Variants in EVI5 observed in about 807,000 individuals in gnomAD.
The protein encoded by EVI5 is ecotropic viral integration site 5.
A neutral mutation model predicts 112.0 loss-of-function variants in EVI5; 73 were observed. The ratio of observed to expected loss-of-function variants is 0.65; its 90% CI spans 0.54 to 0.79. The LOEUF is 0.79. Ranked by LOEUF, EVI5 falls within the 30% of genes least tolerant of loss-of-function variation. EVI5 has a pLI of 0.00. For synonymous variants in EVI5, 305 were observed against 319.9 expected (o/e 0.95, Z 0.50); for missense variants, 900 against 968.8 (o/e 0.93, Z 0.94).
At chr1:92,537,911 G>A (rs1015865629) in intron 19 of EVI5, among the ~76,000 whole-genome samples, 3 of 151,968 alleles carry the variant, frequency 2.0e-5, no homozygotes, top group African/African-American at 7.2e-5. Context: ...TGAAAAAATT[G>A]TAGATTTCAT....
At chr1:92,551,507 A>G (rs929250399) in intron 19 of EVI5, among the ~76,000 whole-genome samples, 1 of 152,206 alleles carries the variant, frequency 6.6e-6, no homozygotes, top group Non-Finnish European at 1.5e-5. Flanking sequence ...AGTTCACAAG[A>G]TTTTAAAACT....
chr1:92,778,065 C>T (rs903392764), intron 1 of EVI5, among the ~76,000 whole-genome samples: 4 of 152,200 alleles, frequency 2.6e-5, no homozygotes, highest in East Asian at 1.9e-4. Flanking sequence ...CACGCCACCA[C>T]GCACAGCTAA....
upstream of EVI5, among the ~76,000 whole-genome samples, chr1:92,786,789 G>T (rs1685672165): frequency 6.6e-6 from 1 of 152,280 alleles, no homozygotes; most frequent in South Asian, 2.1e-4. Flanking sequence ...ACCAAGCCCT[G>T]AATGGCCAGG....
intron 1 of EVI5, among the ~76,000 whole-genome samples, chr1:92,758,247 A>G (rs1681252100): frequency 6.6e-6 from 1 of 152,178 alleles, no homozygotes; most frequent in African/African-American, 2.4e-5. Context: ...TTTTAGTATC[A>G]TGTAAGCCTT....
chr1:92,670,611 G>A (rs185128590), intron 10 of EVI5, among the ~76,000 whole-genome samples: 13 of 152,152 alleles, frequency 8.5e-5, no homozygotes, highest in Non-Finnish European at 1.3e-4. Flanking sequence ...AAACCATGAC[G>A]TTTATTTAAA....
At chr1:92,630,626 C>T (rs1416684624) in intron 14 of EVI5, among the ~76,000 whole-genome samples, 1 of 152,028 alleles carries the variant, frequency 6.6e-6, no homozygotes, top group Non-Finnish European at 1.5e-5. Flanking sequence ...GTTGCCTGTT[C>T]ACTCTGATGG....
At chr1:92,554,985 A>AAAAG (rs781663027) in intron 19 of EVI5, among the ~76,000 whole-genome samples, 3 of 152,178 alleles carry the variant, frequency 2.0e-5, no homozygotes, top group South Asian at 2.1e-4. Flanking sequence ...GTCTCCAGAA[A>AAAAG]AAAGAAAGAA....
At chr1:92,684,970 C>T (rs910434188) in intron 9 of EVI5, among the ~76,000 whole-genome samples, 1 of 151,788 alleles carries the variant, frequency 6.6e-6, no homozygotes, top group Non-Finnish European at 1.5e-5. Context: ...ACTTTAACAC[C>T]CCACTGTCAA....
intron 19 of EVI5, among the ~76,000 whole-genome samples, chr1:92,555,029 G>T (rs1403412976): frequency 6.6e-6 from 1 of 152,080 alleles, no homozygotes; most frequent in Non-Finnish European, 1.5e-5. Context: ...AAATATAAGT[G>T]GAGGCTGTAA....
intron 14 of EVI5, among the ~76,000 whole-genome samples, chr1:92,631,377 C>T (rs1361485630): frequency 2.0e-5 from 3 of 152,136 alleles, no homozygotes; most frequent in Non-Finnish European, 4.4e-5. Context: ...TTGTAGTTCT[C>T]CTTGAAGAGG....
chr1:92,694,236 G>T, intron 8 of EVI5, 63 bp downstream of exon 8: 2 of 994,662 alleles, frequency 2.0e-6, no homozygotes, highest in Non-Finnish European at 3.1e-6. Context: ...CTGCACTCCA[G>T]CCTGGGCAAC....
chr1:92,535,636 T>C (rs1179274825), intron 19 of EVI5, among the ~76,000 whole-genome samples: 3 of 152,272 alleles, frequency 2.0e-5, no homozygotes, highest in South Asian at 4.1e-4. Flanking sequence ...GAAACCATCA[T>C]TATCAGCAAA....
At chr1:92,622,097 G>A (rs1318066038) in intron 16 of EVI5, among the ~76,000 whole-genome samples, 1 of 151,042 alleles carries the variant, frequency 6.6e-6, no homozygotes, top group Non-Finnish European at 1.5e-5. Context: ...TCCAGCCTGG[G>A]CGACAAAGCA....
intron 18 of EVI5, among the ~76,000 whole-genome samples, chr1:92,589,754 T>A (rs1216265588): frequency 3.3e-5 from 5 of 152,174 alleles, no homozygotes; most frequent in African/African-American, 9.7e-5. Flanking sequence ...GTCTGACAGC[T>A]TTGAAGAGAG....
chr1:92,767,082 CAAA>C (rs35316799), intron 1 of EVI5, among the ~76,000 whole-genome samples: 3 of 113,230 alleles, frequency 2.6e-5, no homozygotes, highest in South Asian at 2.9e-4. Context: ...GACTCCCTCT[CAAA>C]AAAAAAAAAA....
At chr1:92,560,973 T>C (rs1668436877) in intron 19 of EVI5, among the ~76,000 whole-genome samples, 1 of 152,122 alleles carries the variant, frequency 6.6e-6, no homozygotes, top group Non-Finnish European at 1.5e-5. Context: ...CTAGGTCTCC[T>C]TTGTGAGGAA....
In EVI5 at chr1:92,631,535, CCTGAGA is replaced by C. The variant is rs954269655; in HGVS notation, c.1527+4661_1527+4666del. 1.9e-3 allele frequency among the ~76,000 whole-genome samples: 287 copies of C among 152,210 alleles called. 4 individuals carry two copies. The highest frequency in any genetic ancestry group is 6.4e-3 in the African/African-American group (264 of 41,544). On this transcript the variant is annotated intron_variant, in intron 14 of 19. Transcript: ENST00000684568. ...TGGTTTTTGCACACTGATTTTGTAT[CCTGAGA>C]CTTTGCTGAAGTTGCTTATCAGCTT...
chr1:92,583,698 G>A (rs554270812), intron 18 of EVI5, among the ~76,000 whole-genome samples: 1 of 149,942 alleles, frequency 6.7e-6, no homozygotes, highest in South Asian at 2.1e-4. Context: ...AGAAGTATAA[G>A]CTACTGGAAG....
At chr1:92,585,222 C>A (rs11164781) in intron 18 of EVI5, among the ~76,000 whole-genome samples, 90,467 of 146,226 alleles carry the variant, frequency 0.62, 28,660 homozygotes, top group East Asian at 0.92. Context: ...GACTCCATCT[C>A]AAAAAAAAAA....
Sources: allele counts gnomAD v4.1 joint callset (sites outside exome capture counted in the v4.1 genomes callset), GRCh38; gene constraint gnomAD v4.1.1; transcripts MANE v1.5; gene names NCBI Gene and HGNC (gene_info 2026-07-23, HGNC 2026-07-21).